Variants in FAM117A observed in about 807,000 individuals in gnomAD.
FAM117A encodes the protein protein FAM117A.
Under a neutral mutation model 44.1 loss-of-function variants are expected in FAM117A, and 21 were observed. That is an observed-to-expected ratio of 0.48 (90% confidence interval 0.34 to 0.69). The LOEUF (loss-of-function observed/expected upper bound fraction) is 0.69, where lower values mean the gene tolerates loss of function less well. FAM117A is among the 30% of genes least tolerant of loss of function. The pLI is 0.01. For missense variants in FAM117A, 498 were observed against 589.9 expected (o/e 0.84, Z 1.61); for synonymous variants, 220 against 238.3 (o/e 0.92, Z 0.71).
intron 1 of FAM117A, among the ~76,000 whole-genome samples, chr17:49,785,464 T>C (rs144959797): frequency 6.6e-6 from 1 of 152,284 alleles, no homozygotes; most frequent in Non-Finnish European, 1.5e-5. Context: ...TGAGCTATGA[T>C]TGTGCCACTG....
intron 1 of FAM117A, among the ~76,000 whole-genome samples, chr17:49,742,656 T>C (rs575526275): frequency 6.6e-6 from 1 of 151,854 alleles, no homozygotes; most frequent in Admixed American, 6.6e-5. Flanking sequence ...AGCCCCTATC[T>C]CTAAAAAAAA....
At chr17:49,770,128 G>A (rs1210232474) in intron 1 of FAM117A, among the ~76,000 whole-genome samples, 1 of 151,972 alleles carries the variant, frequency 6.6e-6, no homozygotes, top group African/African-American at 2.4e-5. Context: ...AAATTAGCCA[G>A]GTGTGGTGGT....
chr17:49,712,296 G>A (rs897086357), intron 7 of FAM117A, among the ~76,000 whole-genome samples: 2 of 152,146 alleles, frequency 1.3e-5, no homozygotes, highest in South Asian at 2.1e-4. Flanking sequence ...TCTTTGTTGC[G>A]GGGTGGGGAT....
intron 1 of FAM117A, among the ~76,000 whole-genome samples, chr17:49,744,243 T>A (rs1473645864): frequency 1.3e-5 from 2 of 152,206 alleles, no homozygotes; most frequent in Non-Finnish European, 2.9e-5. Context: ...TATTTTCATA[T>A]GACCTATGCA....
chr17:49,785,177 G>A (rs1049789590), intron 1 of FAM117A, among the ~76,000 whole-genome samples: 6 of 152,134 alleles, frequency 3.9e-5, no homozygotes, highest in African/African-American at 1.4e-4. Context: ...GGCTATTAAT[G>A]TCCCCACATC....
At position 49,716,151 on chromosome 17, in the gene FAM117A, C is replaced by CG; in HGVS notation, c.1061+13_1061+14insC. ...ACCCTCCCCTCCCACACCCTGTCCA[C>CG]TTGGTGTACTCACGTGGCTTCTTCA... On this transcript the variant is annotated intron_variant, in intron 7 of 7. Coordinates refer to ENST00000240364, the MANE Select transcript of FAM117A (RefSeq NM_030802.4). 6.2e-7 allele frequency: 1 copy of CG among 1,602,708 alleles called. No individual in the cohort carries two copies. Among genetic ancestry groups the CG allele is most frequent in the Non-Finnish European group, 8.5e-7 (1 of 1,173,476 alleles).
At chr17:49,766,627 T>C (rs1276927017), upstream of FAM117A, among the ~76,000 whole-genome samples, 1 of 152,220 alleles carries the variant, frequency 6.6e-6, no homozygotes, top group Non-Finnish European at 1.5e-5. Context: ...CAACTTATAC[T>C]GTGTTAGGAC....
intron 1 of FAM117A, among the ~76,000 whole-genome samples, chr17:49,776,049 G>A (rs1227182962): frequency 6.6e-6 from 1 of 152,070 alleles, no homozygotes; most frequent in Non-Finnish European, 1.5e-5. Context: ...TACGCCTGTG[G>A]AGATAGTAAC....
chr17:49,780,549 T>C (rs910414327), intron 1 of FAM117A, among the ~76,000 whole-genome samples: 3 of 152,152 alleles, frequency 2.0e-5, no homozygotes, highest in Non-Finnish European at 2.9e-5. Flanking sequence ...TTTGTATTTT[T>C]AGTACAGATG....
At chr17:49,771,280 C>A (rs1337827531) in intron 1 of FAM117A, among the ~76,000 whole-genome samples, 1 of 152,174 alleles carries the variant, frequency 6.6e-6, no homozygotes, top group Non-Finnish European at 1.5e-5. Context: ...AATTATACCT[C>A]AATCAAGCTG....
intron 1 of FAM117A, among the ~76,000 whole-genome samples, chr17:49,780,880 G>C (rs1317922683): frequency 6.6e-6 from 1 of 152,054 alleles, no homozygotes; most frequent in African/African-American, 2.4e-5. Flanking sequence ...ACCCAGGCTG[G>C]AGTGGAATGG....
intron 1 of FAM117A, among the ~76,000 whole-genome samples, chr17:49,741,947 G>A (rs958712511): frequency 2.2e-4 from 34 of 152,168 alleles, no homozygotes; most frequent in African/African-American, 8.0e-4. Flanking sequence ...TCCTTGGAAA[G>A]CCCAAGGAGA....
intron 1 of FAM117A, among the ~76,000 whole-genome samples, chr17:49,757,637 C>T (rs113364396): frequency 2.6e-5 from 4 of 152,176 alleles, no homozygotes; most frequent in African/African-American, 9.7e-5. Flanking sequence ...GAGCTCCACA[C>T]GACTGGAGAA....
At chr17:49,715,467 A>T (rs923975057) in intron 7 of FAM117A, among the ~76,000 whole-genome samples, 1 of 152,154 alleles carries the variant, frequency 6.6e-6, no homozygotes, top group African/African-American at 2.4e-5. Flanking sequence ...AGGAAATGAA[A>T]TGAGCTCTTT....
chr17:49,729,802 C>T (rs2073577192), intron 2 of FAM117A, among the ~76,000 whole-genome samples: 1 of 152,086 alleles, frequency 6.6e-6, no homozygotes. Context: ...CCATGCCTGG[C>T]CATATTAGTC....
intron 1 of FAM117A, among the ~76,000 whole-genome samples, chr17:49,784,386 G>T (rs912235277): frequency 2.0e-5 from 3 of 152,096 alleles, no homozygotes; most frequent in Admixed American, 1.3e-4. Flanking sequence ...CTTCACAGCT[G>T]CCAGAAAGAG....
At chr17:49,778,754 G>GT (rs1471279475) in intron 1 of FAM117A, among the ~76,000 whole-genome samples, 1 of 152,232 alleles carries the variant, frequency 6.6e-6, no homozygotes, top group Non-Finnish European at 1.5e-5. Context: ...GAATGCAATG[G>GT]TAAGTAAAAT....
chr17:49,755,104 A>T (rs1167871001), intron 1 of FAM117A, among the ~76,000 whole-genome samples: 1 of 151,974 alleles, frequency 6.6e-6, no homozygotes, highest in Non-Finnish European at 1.5e-5. Flanking sequence ...GCAGCCTTCA[A>T]GGCAAGGAAC....
intron 1 of FAM117A, among the ~76,000 whole-genome samples, chr17:49,741,215 T>C (rs1206876629): frequency 1.3e-5 from 2 of 152,204 alleles, no homozygotes; most frequent in South Asian, 2.1e-4. Flanking sequence ...TATGAGTCAT[T>C]TTCTCATGGC....
Sources: gnomAD v4.1 joint callset for allele counts (sites outside exome capture counted in the v4.1 genomes callset) on GRCh38, gnomAD v4.1.1 for gene constraint, MANE v1.5 for transcripts, NCBI Gene and HGNC (gene_info 2026-07-23, HGNC 2026-07-21) for gene names.